Variants in NOP58 observed in about 807,000 individuals in gnomAD.
NOP58 encodes the protein NOP58 ribonucleoprotein.
A neutral mutation model predicts 71.2 loss-of-function variants in NOP58; 44 were observed. That is an observed-to-expected ratio of 0.62 (90% confidence interval 0.49 to 0.79). The LOEUF is 0.79. Among genes scored for constraint, NOP58 ranks in the 30% least tolerant of loss-of-function variants. The pLI is 0.00. For synonymous variants in NOP58, 228 were observed against 200.3 expected (o/e 1.14, Z -1.17); for missense variants, 538 against 620.2 (o/e 0.87, Z 1.41).
intron 1 of NOP58, among the ~76,000 whole-genome samples, chr2:202,269,802 G>A (rs1350813812): frequency 6.6e-6 from 1 of 152,194 alleles, no homozygotes; most frequent in Non-Finnish European, 1.5e-5. Flanking sequence ...GTGGCACACA[G>A]CATAAGATTT....
At chr2:202,281,905 C>T (rs572947678) in intron 3 of NOP58, among the ~76,000 whole-genome samples, 11 of 152,186 alleles carry the variant, frequency 7.2e-5, no homozygotes, top group Non-Finnish European at 1.6e-4. Flanking sequence ...ACAAGCAAAG[C>T]TAAGGCCTTC....
intron 9 of NOP58, among the ~76,000 whole-genome samples, chr2:202,295,072 G>A (rs961300384): frequency 6.6e-6 from 1 of 152,180 alleles, no homozygotes; most frequent in African/African-American, 2.4e-5. Flanking sequence ...CTAATGGGTA[G>A]ATAGAGATGA....
At chr2:202,281,587 A>G (rs1369692118) in intron 3 of NOP58, among the ~76,000 whole-genome samples, 2 of 152,102 alleles carry the variant, frequency 1.3e-5, no homozygotes, top group African/African-American at 2.4e-5. Flanking sequence ...CTACAGGCAC[A>G]TGCCACCACA....
At chr2:202,287,574 CA>C (rs981751365) in intron 5 of NOP58, 85 bp from the exon 6 acceptor site, 1 of 1,078,204 alleles carries the variant, frequency 9.3e-7, no homozygotes. Context: ...TGAGTAAAAA[CA>C]AAAACAAAAA....
At chr2:202,291,968 C>CTT (rs869075798) in intron 8 of NOP58, among the ~76,000 whole-genome samples, 850 of 43,944 alleles carry the variant, frequency 0.019, 348 homozygotes, top group East Asian at 0.045. Flanking sequence ...TGCTCAGAAT[C>CTT]TTTTTTTTTT....
intron 9 of NOP58, among the ~76,000 whole-genome samples, chr2:202,293,456 C>G (rs1470513972): frequency 1.3e-5 from 2 of 152,166 alleles, no homozygotes; most frequent in Non-Finnish European, 2.9e-5. Context: ...AATTAAAATG[C>G]TATGTAATTG....
At chr2:202,293,549 T>C (rs907735747) in intron 9 of NOP58, among the ~76,000 whole-genome samples, 3 of 152,224 alleles carry the variant, frequency 2.0e-5, no homozygotes, top group Admixed American at 2.0e-4. Context: ...AAAAAGATTA[T>C]ATCATCTGCA....
intron 4 of NOP58, 96 bp from the exon 5 acceptor site, chr2:202,284,249 G>C: frequency 9.7e-7 from 1 of 1,026,250 alleles, no homozygotes; most frequent in Non-Finnish European, 1.4e-6. Context: ...CTCCAGCCTG[G>C]GCGACAGAGT....
intron 13 of NOP58, among the ~76,000 whole-genome samples, chr2:202,302,424 G>A (rs756618981): frequency 6.6e-6 from 1 of 152,166 alleles, no homozygotes; most frequent in South Asian, 2.1e-4. Flanking sequence ...TATGTGTTGA[G>A]TCCTTATTGT....
chr2:202,278,815 A>G (rs1324798654), intron 3 of NOP58, among the ~76,000 whole-genome samples: 1 of 152,200 alleles, frequency 6.6e-6, no homozygotes, highest in Non-Finnish European at 1.5e-5. Context: ...ATTTTGTTAA[A>G]TAACCACAGG....
In NOP58 at chr2:202,282,367, G is replaced by A; in HGVS notation, c.192G>A (p.Met64Ile). 6.2e-7 allele frequency: 1 copy of A among 1,610,956 alleles called. No individual in the cohort carries two copies. The highest frequency in any genetic ancestry group is 8.5e-7 in the Non-Finnish European group (1 of 1,179,354). ...CTTGAAAAGCATTCACAGCTCTGAT[G>A]GAGGGCAAAATCAATAAGCAGCTGA... The part of the protein sequence containing the change: ...AEALAAFTAL[M>I]EGKINKQLKK... Residue 64 changes from methionine to isoleucine, a missense_variant, in exon 4 of 15, where the codon ATG becomes ATA. Coordinates refer to ENST00000264279, the MANE Select transcript of NOP58 (RefSeq NM_015934.5).
At chr2:202,295,193 A>G (rs1447505611) in intron 9 of NOP58, among the ~76,000 whole-genome samples, 1 of 152,216 alleles carries the variant, frequency 6.6e-6, no homozygotes, top group East Asian at 1.9e-4. Flanking sequence ...ACCACAGGTA[A>G]TTTACCACAC....
intron 12 of NOP58, 101 bp from the exon 13 acceptor site, chr2:202,300,133 C>T: frequency 1.0e-6 from 1 of 982,202 alleles, no homozygotes; most frequent in East Asian, 2.6e-5. Context: ...ACATTGTGTG[C>T]TTATGTAAGT....
intron 9 of NOP58, among the ~76,000 whole-genome samples, chr2:202,295,156 CT>C (rs1188213020): frequency 1.3e-5 from 2 of 152,088 alleles, no homozygotes; most frequent in African/African-American, 2.4e-5. Flanking sequence ...CTGGAATTTC[CT>C]TTTTAATATT....
At chr2:202,273,224 A>G (rs1446210779) in intron 1 of NOP58, among the ~76,000 whole-genome samples, 1 of 152,260 alleles carries the variant, frequency 6.6e-6, no homozygotes, top group Non-Finnish European at 1.5e-5. Flanking sequence ...TCATGAGCAC[A>G]CAAAGGTCTT....
intron 12 of NOP58, among the ~76,000 whole-genome samples, chr2:202,298,387 A>G (rs1689033810): frequency 2.0e-5 from 3 of 152,212 alleles, no homozygotes. Context: ...ACAGTGGCTC[A>G]TGCCTGTAAT....
At chr2:202,273,907 C>T (rs985762637) in intron 1 of NOP58, among the ~76,000 whole-genome samples, 3 of 150,878 alleles carry the variant, frequency 2.0e-5, no homozygotes, top group Non-Finnish European at 4.4e-5. Flanking sequence ...TGCGCCACTG[C>T]ACTCCAGCCT....
intron 10 of NOP58, among the ~76,000 whole-genome samples, chr2:202,296,151 A>C (rs1172006692): frequency 6.6e-6 from 1 of 152,136 alleles, no homozygotes; most frequent in African/African-American, 2.4e-5. Flanking sequence ...TTTACGAATC[A>C]TAAAAAATAG....
chr2:202,300,445 A>C, intron 13 of NOP58, 78 bp downstream of exon 13: 3 of 1,175,492 alleles, frequency 2.6e-6, no homozygotes, highest in Non-Finnish European at 3.6e-6. Context: ...TTAAAAGTAC[A>C]TGCCATCCCA....
Sources: gnomAD v4.1 joint callset for allele counts (sites outside exome capture counted in the v4.1 genomes callset) on GRCh38, gnomAD v4.1.1 for gene constraint, MANE v1.5 for transcripts, NCBI Gene and HGNC (gene_info 2026-07-23, HGNC 2026-07-21) for gene names.